Variants in BLK observed in about 807,000 individuals in gnomAD.
BLK encodes BLK proto-oncogene, Src family tyrosine kinase, also known as tyrosine-protein kinase Blk.
Under a neutral mutation model 61.8 loss-of-function variants are expected in BLK, and 64 were observed. That is an observed-to-expected ratio of 1.03 (90% confidence interval 0.85 to 1.27). BLK has a LOEUF of 1.27. Among genes scored for constraint, BLK ranks in the 50% most tolerant of loss-of-function variants. BLK has a pLI of 0.00. For missense variants in BLK, 853 were observed against 660.5 expected, an observed-to-expected ratio of 1.29 and a Z score of -3.19; for synonymous variants, 351 against 272.0, an observed-to-expected ratio of 1.29 and a Z score of -2.86.
chr8:11,494,769 T>C (rs1798303111), intron 1 of BLK, among the ~76,000 whole-genome samples, 178 bp downstream of exon 1: 1 of 152,242 alleles, frequency 6.6e-6, no homozygotes, highest in African/African-American at 2.4e-5. Context: ...GGTTTGTGCA[T>C]TTCCAGTTTT....
intron 1 of BLK, among the ~76,000 whole-genome samples, chr8:11,536,723 T>C (rs745882291): frequency 2.0e-4 from 31 of 152,226 alleles, no homozygotes; most frequent in Admixed American, 1.4e-3. Flanking sequence ...TTGACTTTAG[T>C]ATATTTTGGA....
At chr8:11,522,036 T>C (rs1470553598) in intron 1 of BLK, among the ~76,000 whole-genome samples, 2 of 152,200 alleles carry the variant, frequency 1.3e-5, no homozygotes. Context: ...TAATGATGAG[T>C]CCTCCTAATC....
Position 11,557,963 on chromosome 8 carries a change from A to T in BLK, c.954A>T (p.Gly318=). 6.2e-7 allele frequency: 1 copy of T among 1,613,860 alleles called. No individual in the cohort carries two copies. Among genetic ancestry groups the T allele is most frequent in the South Asian group, 1.1e-5 (1 of 91,066 alleles). ...IYIVTEYMAR[G]CLLDFLKTDE... ...CACTTGCAACTTCTCTTTTCTTAGG[A>T]TGCCTGCTGGATTTCCTGAAGACAG... Residue 318 remains glycine (G), a splice_region_variant and synonymous_variant, in exon 10 of 13, where the codon GGA becomes GGT. Coordinates refer to ENST00000259089, the MANE Select transcript of BLK (RefSeq NM_001715.3).
chr8:11,534,294 T>C (rs1344204832), intron 1 of BLK, among the ~76,000 whole-genome samples: 1 of 152,238 alleles, frequency 6.6e-6, no homozygotes, highest in East Asian at 1.9e-4. Context: ...CATAGTCTCA[T>C]CAATACAAGA....
At chr8:11,556,171 G>A (rs561396587) in intron 8 of BLK, 1 of 231,572 alleles carries the variant, frequency 4.3e-6, no homozygotes, top group Non-Finnish European at 8.6e-6. Context: ...CCCTTCAGGG[G>A]ACTTCATGGA....
rs138428717 is a variant in BLK, at chr8:11,543,296, C to A, written c.72C>A (p.Ser24Arg). The change falls in exon 2 of 13, where the codon AGC (serine) becomes AGA (arginine). Residue 24 changes from serine to arginine, a missense_variant. Ser to Arg is a moderately radical substitution (Grantham distance 110). Coordinates refer to ENST00000259089, the MANE Select transcript of BLK (RefSeq NM_001715.3). ...AAGAGAAGGACAAGGGCCAATGGAGCCCCCTGAAGGTCAGCGCCCAAGACA... is the reference window on the plus strand; with the variant it reads ...AAGAGAAGGACAAGGGCCAATGGAGACCCCTGAAGGTCAGCGCCCAAGACA... ...PIKEKDKGQWSPLKVSAQDKD... is the reference protein window; with the variant it reads ...PIKEKDKGQWRPLKVSAQDKD... 8.7e-6 allele frequency: 14 copies of A among 1,613,634 alleles called. No homozygotes were observed. The highest frequency in any genetic ancestry group is 1.2e-5 in the Non-Finnish European group (14 of 1,180,026).
At chr8:11,520,341 G>T (rs1023237771) in intron 1 of BLK, among the ~76,000 whole-genome samples, 4 of 151,902 alleles carry the variant, frequency 2.6e-5, no homozygotes, top group African/African-American at 9.7e-5. Flanking sequence ...GCCAGGTGTG[G>T]TGGTGCATGC....
intron 1 of BLK, among the ~76,000 whole-genome samples, chr8:11,505,886 C>A (rs1396992240): frequency 6.6e-6 from 1 of 152,240 alleles, no homozygotes; most frequent in African/African-American, 2.4e-5. Flanking sequence ...CCACTCCCTG[C>A]CTGAAATGCC....
At chr8:11,530,030 C>T (rs1329426313) in intron 1 of BLK, among the ~76,000 whole-genome samples, 2 of 152,052 alleles carry the variant, frequency 1.3e-5, no homozygotes, top group Admixed American at 6.5e-5. Flanking sequence ...TTTTCTCTCT[C>T]CAGTTTATTT....
At position 11,556,843 on chromosome 8, in the gene BLK, G is replaced by GC. The variant is rs751163539; in HGVS notation, c.952+12dup. ...CACCGAGTACATGGCCAGAGGTGGTGCCCCCCGCAGAGCCGCATCCTCAGA... is the reference window on the plus strand; with the variant it reads ...CACCGAGTACATGGCCAGAGGTGGTGCCCCCCCGCAGAGCCGCATCCTCAGA... On this transcript the variant is annotated splice_region_variant and intron_variant, in intron 9 of 12. Transcript: ENST00000259089. The GC allele has an allele frequency of 7.4e-6, 12 of 1,613,514 alleles. No individual in the cohort carries two copies. Among genetic ancestry groups the GC allele is most frequent in the Admixed American group, 5.0e-5 (3 of 59,988 alleles).
intron 2 of BLK, among the ~76,000 whole-genome samples, chr8:11,545,387 A>G (rs1328010944): frequency 6.6e-6 from 1 of 152,148 alleles, no homozygotes; most frequent in Non-Finnish European, 1.5e-5. Context: ...TGTATCTACT[A>G]AAAATACAAA....
At chr8:11,545,712 T>G (rs1800602394) in intron 2 of BLK, 1 of 371,728 alleles carries the variant, frequency 2.7e-6, no homozygotes. Flanking sequence ...TTTTTTCTTG[T>G]CAACAAATAC....
intron 10 of BLK, chr8:11,560,367 A>G (rs1047191353): frequency 2.8e-5 from 6 of 215,090 alleles, no homozygotes; most frequent in Non-Finnish European, 5.6e-5. Flanking sequence ...GTGTTGATGG[A>G]TGGATGGGTG....
chr8:11,522,375 A>C (rs1342294213), intron 1 of BLK, among the ~76,000 whole-genome samples: 1 of 152,244 alleles, frequency 6.6e-6, no homozygotes, highest in Admixed American at 6.5e-5. Flanking sequence ...TTTGGTGAGA[A>C]TATGGGGAAA....
chr8:11,547,933 C>A (rs1478442196), intron 3 of BLK, 99 bp from the exon 4 acceptor site: 3 of 1,030,116 alleles, frequency 2.9e-6, no homozygotes, highest in African/African-American at 1.6e-5. Context: ...CCATCGTGGG[C>A]AAGCAGAAGC....
chr8:11,554,884 A>G lies in BLK; in HGVS notation c.614A>G (p.Tyr205Cys). The G allele has an allele frequency of 6.2e-7, 1 of 1,613,152 alleles. No homozygotes were observed. Among genetic ancestry groups the G allele is most frequent in the South Asian group, 1.1e-5 (1 of 91,056 alleles). The change falls in exon 7 of 13, where the codon TAT becomes TGT. Residue 205 changes from tyrosine to cysteine, a missense_variant. Coordinates refer to ENST00000259089, the MANE Select transcript of BLK (RefSeq NM_001715.3). ...TCGCTCCAGGCCCTGGTGCAGCACT[A>G]TTCTAGTAAGAGGGGGCGTGCAATG... ...FPSLQALVQH[Y>C]SKKGDGLCQR...
intron 1 of BLK, among the ~76,000 whole-genome samples, chr8:11,498,027 G>A (rs1405267127): frequency 6.6e-6 from 1 of 152,182 alleles, no homozygotes; most frequent in Admixed American, 6.5e-5. Context: ...GTCCACTGTG[G>A]GGCTTGTGCA....
intron 10 of BLK, among the ~76,000 whole-genome samples, chr8:11,560,182 C>T (rs13278772): frequency 7.3e-5 from 3 of 41,154 alleles, no homozygotes; most frequent in Admixed American, 3.7e-4. Context: ...TGGATGGATG[C>T]ATGGATGGAT....
In BLK at chr8:11,549,140, C is replaced by A. The variant is rs781198290; in HGVS notation, c.368+18C>A. ...ATGGAAAGGTAGGTGGGCACGGGAA[C>A]CCCCCTCGAGCCAAGATGCAGTCAC... On this transcript the variant is annotated intron_variant, in intron 5 of 12. Coordinates refer to ENST00000259089, the MANE Select transcript of BLK (RefSeq NM_001715.3). 8.3e-6 allele frequency: 13 copies of A among 1,575,332 alleles called. No homozygotes were observed. The highest frequency in any genetic ancestry group is 5.8e-5 in the South Asian group (5 of 85,890).
Sources: gnomAD v4.1 joint callset for allele counts (sites outside exome capture counted in the v4.1 genomes callset) on GRCh38, gnomAD v4.1.1 for gene constraint, MANE v1.5 for transcripts, NCBI Gene and HGNC (gene_info 2026-07-23, HGNC 2026-07-21) for gene names.